The following MLN variants were observed in gnomAD, a reference collection of about 807,000 sequenced individuals.
MLN encodes promotilin.
MLN carries 14 observed loss-of-function variants against 13.3 expected under a neutral mutation model. The ratio of observed to expected loss-of-function variants is 1.05; its 90% CI spans 0.69 to 1.64. MLN has a LOEUF of 1.64. Ranked by LOEUF, MLN falls within the 40% of genes most tolerant of loss-of-function variation. The probability of loss-of-function intolerance (pLI) is 0.00; values close to 1 mark genes in which losing one functional copy is unlikely to be tolerated. For synonymous variants in MLN, 59 were observed against 54.7 expected (o/e 1.08, Z -0.34); for missense variants, 122 against 142.9 (o/e 0.85, Z 0.75).
At chr6:33,795,431 C>G in intron 4 of MLN, 72 bp downstream of exon 4, 1 of 1,266,196 alleles carries the variant, frequency 7.9e-7, no homozygotes, top group Non-Finnish European at 1.1e-6. Context: ...CCCTGAAACC[C>G]TGCCTCTGGA....
At chr6:33,795,691 C>T (rs1287030900) in intron 3 of MLN, 86 bp from the exon 4 acceptor site, 1 of 1,148,976 alleles carries the variant, frequency 8.7e-7, no homozygotes, top group South Asian at 1.3e-5. Context: ...AGGAGGGACC[C>T]TTGGGAGCCA....
At chr6:33,798,997 T>G in intron 3 of MLN, 108 bp downstream of exon 3, 1 of 734,710 alleles carries the variant, frequency 1.4e-6, no homozygotes, top group East Asian at 2.5e-5. Context: ...TGCGATATCC[T>G]AGGACACTCT....
chr6:33,799,782 C>A lies in MLN; in HGVS notation c.118-561G>T, dbSNP rs1305269129. Among the ~76,000 whole-genome samples, 1 of 152,162 alleles carries A rather than the reference C, an allele frequency of 6.6e-6. No homozygotes were observed. The highest frequency in any genetic ancestry group is 2.4e-5 in the African/African-American group (1 of 41,416). ...CCATGGAGCAGATTAATGCAGTGTC[C>A]TTTGCTTGCTATTTTGCTAGTTTAT... On this transcript the variant is annotated intron_variant, in intron 2 of 4. Coordinates refer to ENST00000430124, the MANE Select transcript of MLN (RefSeq NM_002418.3). This position sits in a 1 kb window ranked among gnomAD's most constrained non-coding sequence, Gnocchi z 4.6.
At position 33,803,851 on chromosome 6, in the gene MLN, T is replaced by G. The variant is rs115852504; in HGVS notation, c.-8+102A>C. On this transcript the variant is annotated intron_variant, in intron 1 of 4. Transcript: ENST00000430124. The surrounding 1 kb of genome is among the most constrained non-coding windows in gnomAD (Gnocchi z 4.5). ...CGAAGCCCGGCTGGGCACTGGAAGG[T>G]GGCAGAGGGCCCTGGACCAGGCTGG... 3,564 of 152,528 alleles carry G rather than the reference T, an allele frequency of 0.023. 108 individuals carry two copies. Among genetic ancestry groups the G allele is most frequent in the African/African-American group, 0.066 (2,730 of 41,580 alleles). The allele number at this position is 152,528 out of a possible 1,614,324, so 9.4% of individuals were successfully genotyped here.
intron 4 of MLN, 121 bp from the exon 5 acceptor site, chr6:33,794,956 G>C: frequency 7.6e-7 from 1 of 1,311,152 alleles, no homozygotes. Context: ...GGGCGGGAAG[G>C]TGGGAAGTTT....
rs763778072 is a variant in MLN at position 33,799,183 on chromosome 6, A to G, written c.156T>C (p.Ser52=). 33 of 1,612,114 alleles carry G rather than the reference A, an allele frequency of 2.0e-5. No individual in the cohort carries two copies. Among genetic ancestry groups the G allele is most frequent in the Non-Finnish European group, 2.4e-5 (28 of 1,178,834 alleles). The stretch of plus-strand genomic sequence containing the variant: ...CTTCCTCCCCAGACCTCTGCCATAC[A>G]CTCAGGGATTTCTTTTGCCCTTTAT... ...ERNKGQKKSL[S]VWQRSGEEGP... Residue 52 remains serine, a synonymous_variant, in exon 3 of 5, where the codon AGT becomes AGC. Transcript: ENST00000430124. The surrounding 1 kb of genome is among the most constrained non-coding windows in gnomAD (Gnocchi z 4.6).
chr6:33,800,613 C>T (rs1353302177), intron 2 of MLN, among the ~76,000 whole-genome samples: 1 of 152,244 alleles, frequency 6.6e-6, no homozygotes, highest in African/African-American at 2.4e-5. Flanking sequence ...AGCATCAGCA[C>T]CACTGATGGG....
At chr6:33,795,872 C>G (rs1767905076) in intron 3 of MLN, among the ~76,000 whole-genome samples, 2 of 152,206 alleles carry the variant, frequency 1.3e-5, no homozygotes, top group South Asian at 2.1e-4. Context: ...TCAGCAGGAA[C>G]CCCAGCAGGC....
At position 33,794,799 on chromosome 6, in the gene MLN, T is replaced by G; in HGVS notation, c.*26A>C. Reference sequence around the variant, plus strand: ...TTGGGCAGGAGGGGCCTCCCAAATCTGTCCACCTTCTCCCCAGCGTGGCCA... The same window carrying G: ...TTGGGCAGGAGGGGCCTCCCAAATCGGTCCACCTTCTCCCCAGCGTGGCCA... On this transcript the variant is annotated 3_prime_UTR_variant, in exon 5 of 5. Transcript: ENST00000430124. The G allele has an allele frequency of 6.2e-7, 1 of 1,613,302 alleles. No individual in the cohort carries two copies. The highest frequency in any genetic ancestry group is 8.5e-7 in the Non-Finnish European group (1 of 1,179,626).
At chr6:33,796,516 G>A (rs1767928023) in intron 3 of MLN, among the ~76,000 whole-genome samples, 1 of 152,208 alleles carries the variant, frequency 6.6e-6, no homozygotes, top group Non-Finnish European at 1.5e-5. Context: ...CAATGCTCTT[G>A]CTGCACAAAC....
chr6:33,802,557 C>T (rs962677642), intron 1 of MLN, among the ~76,000 whole-genome samples: 4 of 152,212 alleles, frequency 2.6e-5, no homozygotes, highest in Non-Finnish European at 5.9e-5. Flanking sequence ...CACCCTACCA[C>T]GCCAGACGCT....
chr6:33,798,940 G>A (rs567814443), intron 3 of MLN, among the ~76,000 whole-genome samples, 165 bp downstream of exon 3: 4 of 152,132 alleles, frequency 2.6e-5, no homozygotes, highest in South Asian at 4.2e-4. Context: ...GCTGGAGTCC[G>A]TCTCTCCCTA....
In MLN at chr6:33,799,031, T is replaced by C. The variant is rs1033596668; in HGVS notation, c.234+74A>G. 9 of 1,061,680 alleles carry C rather than the reference T, an allele frequency of 8.5e-6. No homozygotes were observed. Among genetic ancestry groups the C allele is most frequent in the East Asian group, 4.9e-5 (2 of 41,184 alleles). 65.8% of individuals were successfully genotyped at this position (1,061,680 alleles called of 1,614,324 possible). A position where few individuals can be genotyped will look rare whatever the true frequency, so the allele number is the denominator to read the frequency against. On this transcript the variant is annotated intron_variant, in intron 3 of 4. Coordinates refer to ENST00000430124, the MANE Select transcript of MLN (RefSeq NM_002418.3). The surrounding 1 kb of genome is among the most constrained non-coding windows in gnomAD (Gnocchi z 4.6). The stretch of plus-strand genomic sequence containing the variant: ...CTGAGGCTCACTGTGGCTTGTGGGC[T>C]CTGCCTCCAGGCCAGGCAGGGGAAT...
In MLN at chr6:33,794,756, A is replaced by T; in HGVS notation, c.*69T>A. ...TCCAAGCCCAGCTGGCAGGCTCTGT[A>T]AATTCCCAGGGCCTCACTTGGGCAG... On this transcript the variant is annotated 3_prime_UTR_variant, in exon 5 of 5. Transcript: ENST00000430124. 6.3e-7 allele frequency: 1 copy of T among 1,584,836 alleles called. No individual in the cohort carries two copies. The highest frequency in any genetic ancestry group is 2.3e-5 in the East Asian group (1 of 44,444).
In MLN at chr6:33,799,876, G is replaced by A. The variant is rs1006321125; in HGVS notation, c.118-655C>T. 7.2e-5 allele frequency among the ~76,000 whole-genome samples: 11 copies of A among 152,190 alleles called. No individual in the cohort carries two copies. The highest frequency in any genetic ancestry group is 1.5e-4 in the Non-Finnish European group (10 of 68,018). The stretch of plus-strand genomic sequence containing the variant: ...CCGGCATGCTGCTGGCCAGGTCCCT[G>A]AGCACTGAGATCCTCATTCCTTTGC... On this transcript the variant is annotated intron_variant, in intron 2 of 4. Transcript: ENST00000430124. The surrounding 1 kb of genome is among the most constrained non-coding windows in gnomAD (Gnocchi z 4.6).
rs1413801627 is a variant in MLN at position 33,799,128 on chromosome 6, C to G, written c.211G>C (p.Glu71Gln). The change falls in exon 3 of 5, where the codon GAA (glutamate) becomes CAA (glutamine). Residue 71 changes from glutamate to glutamine, a missense_variant. Coordinates refer to ENST00000430124, the MANE Select transcript of MLN (RefSeq NM_002418.3). This position sits in a 1 kb window ranked among gnomAD's most constrained non-coding sequence, Gnocchi z 4.6. The stretch of plus-strand genomic sequence containing the variant: ...ACCTTGATCATTTCGTTTTCTTCTT[C>G]CCTGATGGGCTCCGCAGGGTCTACA... ...GPVDPAEPIREEENEMIKLTA... is the reference protein window; with the variant it reads ...GPVDPAEPIRQEENEMIKLTA... The G allele has an allele frequency of 1.2e-6, 2 of 1,609,864 alleles. No homozygotes were observed. The highest frequency in any genetic ancestry group is 3.3e-5 in the Admixed American group (2 of 59,896).
In MLN at chr6:33,799,153, A is replaced by G. The variant is rs1265399948; in HGVS notation, c.186T>C (p.Pro62=). 2 of 1,612,872 alleles carry G rather than the reference A, an allele frequency of 1.2e-6. No individual in the cohort carries two copies. Residue 62 remains proline (P), a synonymous_variant, in exon 3 of 5, where the codon CCT becomes CCC. Coordinates refer to ENST00000430124, the MANE Select transcript of MLN (RefSeq NM_002418.3). The surrounding 1 kb of genome is among the most constrained non-coding windows in gnomAD (Gnocchi z 4.6). ...CCCTGATGGGCTCCGCAGGGTCTACAGGACCTTCCTCCCCAGACCTCTGCC... is the reference window on the plus strand; with the variant it reads ...CCCTGATGGGCTCCGCAGGGTCTACGGGACCTTCCTCCCCAGACCTCTGCC... ...SVWQRSGEEG[P]VDPAEPIREE... is the part of the protein sequence containing the mutation.
rs1178826902 is a variant in MLN, at chr6:33,801,115, C to T, written c.49G>A (p.Ala17Thr). 6.2e-7 allele frequency: 1 copy of T among 1,613,988 alleles called. No homozygotes were observed. The highest frequency in any genetic ancestry group is 8.5e-7 in the Non-Finnish European group (1 of 1,180,010). The change falls in exon 2 of 5, where the codon GCC (alanine) becomes ACC (threonine). Residue 17 changes from alanine to threonine, a missense_variant. Transcript: ENST00000430124. ...GCTTCCGTCTGGGAGGCCAGCATGG[C>T]AGCTACATGCACCACCAGCAGAGCA... Reference protein sequence around the residue: ...VAALLVVHVAAMLASQTEAFV... With the variant: ...VAALLVVHVATMLASQTEAFV...
At chr6:33,798,315 TC>T (rs956730880) in intron 3 of MLN, among the ~76,000 whole-genome samples, 58 of 152,174 alleles carry the variant, frequency 3.8e-4, no homozygotes, top group African/African-American at 1.4e-3. Flanking sequence ...CACTACCCTG[TC>T]CCCAGTGCCT....
Sources: gnomAD v4.1 joint callset for allele counts (sites outside exome capture counted in the v4.1 genomes callset) on GRCh38, gnomAD v4.1.1 for gene constraint, Gnocchi (gnomAD v3.1) non-coding constraint, MANE v1.5 for transcripts, NCBI Gene and HGNC (gene_info 2026-07-23, HGNC 2026-07-21) for gene names.